The following PCDHGB6 variants were observed in gnomAD, a reference collection of about 807,000 sequenced individuals.
PCDHGB6 encodes protocadherin gamma-B6.
PCDHGB6 carries 51 observed loss-of-function variants against 59.1 expected under a neutral mutation model. That is an observed-to-expected ratio of 0.86 (90% CI 0.69 to 1.09). The LOEUF (loss-of-function observed/expected upper bound fraction) is 1.09. Among genes scored for constraint, PCDHGB6 ranks in the 50% least tolerant of loss-of-function variants. The pLI is 0.00. For missense variants in PCDHGB6, 1,148 were observed against 1,205.1 expected (o/e 0.95, Z 0.70); for synonymous variants, 466 against 495.1 (o/e 0.94, Z 0.78).
chr5:141,456,043 G>A (rs62379189), intron 1 of PCDHGB6, among the ~76,000 whole-genome samples: 6,917 of 151,746 alleles, frequency 0.046, 202 homozygotes, highest in Middle Eastern at 0.086. Flanking sequence ...GACTACAGGC[G>A]CCCACCACCA....
At chr5:141,415,041 G>C in intron 1 of PCDHGB6, 2 of 1,613,530 alleles carry the variant, frequency 1.2e-6, no homozygotes, top group Non-Finnish European at 1.7e-6. Context: ...GACTCTTCGC[G>C]GTGGGGGAGC....
Position 141,432,253 on chromosome 5 carries a change from G to A in PCDHGB6, c.2418+21633G>A, listed in dbSNP as rs1193159615. ...CCCTGGCTGAGAACACCATCCAAGGGGCAAGCCTATCGTCCTACGTGTCCA... is the reference window on the plus strand; with the variant it reads ...CCCTGGCTGAGAACACCATCCAAGGAGCAAGCCTATCGTCCTACGTGTCCA... On this transcript the variant is annotated intron_variant, in intron 1 of 3. Coordinates refer to ENST00000520790, the MANE Select transcript of PCDHGB6 (RefSeq NM_018926.3). The surrounding 1 kb of genome is among the most constrained non-coding windows in gnomAD (Gnocchi z 6.0). 2.5e-6 allele frequency: 4 copies of A among 1,614,086 alleles called. No individual in the cohort carries two copies. Among genetic ancestry groups the A allele is most frequent in the Non-Finnish European group, 3.4e-6 (4 of 1,180,046 alleles).
In PCDHGB6 at chr5:141,486,587, G is replaced by A. The variant is rs2099631441; in HGVS notation, c.2419-8220G>A. 6.2e-7 allele frequency: 1 copy of A among 1,613,478 alleles called. No homozygotes were observed. The highest frequency in any genetic ancestry group is 1.7e-5 in the Admixed American group (1 of 60,014). On this transcript the variant is annotated intron_variant, in intron 1 of 3. Coordinates refer to ENST00000520790, the MANE Select transcript of PCDHGB6 (RefSeq NM_018926.3). The surrounding 1 kb of genome is among the most constrained non-coding windows in gnomAD (Gnocchi z 5.0). ...TGTTCCTGAGAACAATCGCCCAGGGGACCTGCTTTGCTCCCTTGCAGCCTC... is the reference window on the plus strand; with the variant it reads ...TGTTCCTGAGAACAATCGCCCAGGGAACCTGCTTTGCTCCCTTGCAGCCTC...
Position 141,477,203 on chromosome 5 carries a change from G to T in PCDHGB6, c.2419-17604G>T. On this transcript the variant is annotated intron_variant, in intron 1 of 3. Coordinates refer to ENST00000520790, the MANE Select transcript of PCDHGB6 (RefSeq NM_018926.3). The surrounding 1 kb of genome is among the most constrained non-coding windows in gnomAD (Gnocchi z 4.9). ...CACCTCCGTGTACAGCCCAGTACCC[G>T]AGGATGCCCCTCTGGGGACTGTCAT... 1 of 1,614,176 alleles carries T rather than the reference G, an allele frequency of 6.2e-7. No individual in the cohort carries two copies. The highest frequency in any genetic ancestry group is 1.1e-5 in the South Asian group (1 of 91,082).
chr5:141,458,512 T>TG (rs2098947554), intron 1 of PCDHGB6, among the ~76,000 whole-genome samples: 2 of 150,084 alleles, frequency 1.3e-5, no homozygotes, highest in African/African-American at 5.0e-5. Context: ...TTTGACACTT[T>TG]GTTTTTTTTT....
Position 141,409,021 on chromosome 5 carries a change from C to T in PCDHGB6, c.819C>T (p.Val273=). ...QVTATDQDEG[V]NAEINYYFRS... Reference sequence around the variant, plus strand: ...CAGCCACTGACCAGGATGAGGGGGTCAATGCTGAGATAAACTACTACTTCC... The same window carrying T: ...CAGCCACTGACCAGGATGAGGGGGTTAATGCTGAGATAAACTACTACTTCC... The change falls in exon 1 of 4, where the codon GTC becomes GTT. Residue 273 remains valine, a synonymous_variant. Transcript: ENST00000520790. 4 of 1,613,972 alleles carry T rather than the reference C, an allele frequency of 2.5e-6. No individual in the cohort carries two copies. The highest frequency in any genetic ancestry group is 3.4e-6 in the Non-Finnish European group (4 of 1,179,896).
In PCDHGB6 at chr5:141,432,068, C is replaced by G. The variant is rs1297096209; in HGVS notation, c.2418+21448C>G. ...AACCCCGCCCCTATCCACGGAAACT[C>G]ATATCTCGCTGAACGTGGCAGACAC... On this transcript the variant is annotated intron_variant, in intron 1 of 3. Transcript: ENST00000520790. The surrounding 1 kb of genome is among the most constrained non-coding windows in gnomAD (Gnocchi z 6.0). 6.2e-7 allele frequency: 1 copy of G among 1,614,210 alleles called. No individual in the cohort carries two copies. The highest frequency in any genetic ancestry group is 1.7e-5 in the Admixed American group (1 of 60,028).
intron 1 of PCDHGB6, chr5:141,416,818 C>T (rs766541497): frequency 9.9e-5 from 15 of 151,960 alleles, no homozygotes; most frequent in Admixed American, 2.6e-4. Flanking sequence ...AAAAGCATTC[C>T]GAAGTTTCTC....
Position 141,487,059 on chromosome 5 carries a change from G to A in PCDHGB6, c.2419-7748G>A, listed in dbSNP as rs760836605. 1.7e-5 allele frequency: 27 copies of A among 1,613,952 alleles called. No homozygotes were observed. Among genetic ancestry groups the A allele is most frequent in the Non-Finnish European group, 2.0e-5 (24 of 1,179,994 alleles). On this transcript the variant is annotated intron_variant, in intron 1 of 3. Transcript: ENST00000520790. This position sits in a 1 kb window ranked among gnomAD's most constrained non-coding sequence, Gnocchi z 5.0. ...GTCTCTCGATATGCTGGGGAGGTGC[G>A]GACGGCTGTTCCTATCCCAGCTGAC...
At chr5:141,444,129 T>C (rs897901109) in intron 1 of PCDHGB6, among the ~76,000 whole-genome samples, 3 of 147,096 alleles carry the variant, frequency 2.0e-5, no homozygotes, top group African/African-American at 5.0e-5. Context: ...TCTCAACAGA[T>C]ATGTGTCACT....
At position 141,432,963 on chromosome 5, in the gene PCDHGB6, C is replaced by T. The variant is rs1382354299; in HGVS notation, c.2418+22343C>T. 1.5e-5 allele frequency: 24 copies of T among 1,614,046 alleles called. 1 individual carries two copies. In the South Asian group the frequency reaches 2.3e-4, roughly 16 times the overall value. On this transcript the variant is annotated intron_variant, in intron 1 of 3. Transcript: ENST00000520790. The surrounding 1 kb of genome is among the most constrained non-coding windows in gnomAD (Gnocchi z 6.0). ...GCTTCAGGAGGCGGCTTGACAGGAG[C>T]GCCGGCGTCGCACTTTGTGGGCGTG...
chr5:141,481,207 C>T (rs1287298617), intron 1 of PCDHGB6, among the ~76,000 whole-genome samples: 3 of 152,154 alleles, frequency 2.0e-5, no homozygotes, highest in Non-Finnish European at 1.5e-5. Flanking sequence ...TTTTAAAAAA[C>T]ATGGTAAGGT....
Position 141,491,944 on chromosome 5 carries a change from C to T in PCDHGB6, c.2419-2863C>T, listed in dbSNP as rs1245968796. ...CGAGGGGAGGTGGGACCGACCCCCACCCCTACACTCAAAAAAGGCCGGGGC... is the reference window on the plus strand; with the variant it reads ...CGAGGGGAGGTGGGACCGACCCCCATCCCTACACTCAAAAAAGGCCGGGGC... On this transcript the variant is annotated intron_variant, in intron 1 of 3. Transcript: ENST00000520790. This position sits in a 1 kb window ranked among gnomAD's most constrained non-coding sequence, Gnocchi z 6.9. The T allele has an allele frequency of 1.8e-6, 2 of 1,120,156 alleles. No individual in the cohort carries two copies. Among genetic ancestry groups the T allele is most frequent in the Non-Finnish European group, 2.4e-6 (2 of 822,072 alleles). The allele number at this position is 1,120,156 out of a possible 1,614,324, so 69.4% of individuals were successfully genotyped here. A position where few individuals can be genotyped will look rare whatever the true frequency, so the allele number is the denominator to read the frequency against.
intron 1 of PCDHGB6, chr5:141,415,810 T>C: frequency 7.4e-7 from 1 of 1,360,418 alleles, no homozygotes; most frequent in Non-Finnish European, 9.5e-7. Context: ...AATCAAGGCC[T>C]ATATATCATA....
rs1173375966 is a variant in PCDHGB6, at chr5:141,511,162, GAGA to G, written c.2788_2790del (p.Lys930del). 16 of 1,614,044 alleles carry G rather than the reference GAGA, an allele frequency of 9.9e-6. No individual in the cohort carries two copies. The highest frequency in any genetic ancestry group is 5.5e-5 in the South Asian group (5 of 91,078). On this transcript the variant is annotated inframe_deletion, in exon 4 of 4. Transcript: ENST00000520790. The stretch of plus-strand genomic sequence containing the variant: ...CAACAAGAAGAAGTCGGGCAAGAAG[GAGA>G]AGAAGTAACATGGAGGCCAGGCCAA...
At chr5:141,502,708 A>G (rs1172090234) in intron 2 of PCDHGB6, among the ~76,000 whole-genome samples, 1 of 152,204 alleles carries the variant, frequency 6.6e-6, no homozygotes, top group Non-Finnish European at 1.5e-5. Flanking sequence ...CTGTTTTTAC[A>G]TCAGTGATTA....
chr5:141,451,789 G>A (rs2098724524), intron 1 of PCDHGB6, among the ~76,000 whole-genome samples: 1 of 152,074 alleles, frequency 6.6e-6, no homozygotes, highest in South Asian at 2.1e-4. Flanking sequence ...GCTGAGGCCA[G>A]AGAATTGCTT....
At chr5:141,464,044 C>T (rs898632465) in intron 1 of PCDHGB6, among the ~76,000 whole-genome samples, 1 of 152,086 alleles carries the variant, frequency 6.6e-6, no homozygotes, top group African/African-American at 2.4e-5. Context: ...GCGGGTGGAT[C>T]ACCTGAGGTC....
chr5:141,461,773 C>T (rs894271810), intron 1 of PCDHGB6, among the ~76,000 whole-genome samples: 3 of 152,108 alleles, frequency 2.0e-5, no homozygotes, highest in Non-Finnish European at 4.4e-5. Context: ...CCTGCCTCAG[C>T]CTCCCAAGTA....
Sources: allele counts gnomAD v4.1 joint callset (sites outside exome capture counted in the v4.1 genomes callset), GRCh38; gene constraint gnomAD v4.1.1; non-coding constraint Gnocchi (gnomAD v3.1); transcripts MANE v1.5; gene names NCBI Gene and HGNC (gene_info 2026-07-23, HGNC 2026-07-21).